Variants in MAGI1 observed in about 807,000 individuals in gnomAD.
MAGI1 encodes the protein membrane-associated guanylate kinase, WW and PDZ domain-containing protein 1.
In MAGI1, 58 loss-of-function variants were observed where a neutral mutation model predicts 139.9. The ratio of observed to expected loss-of-function variants is 0.41; its 90% CI spans 0.34 to 0.52. The LOEUF (loss-of-function observed/expected upper bound fraction) is 0.52. Ranked by LOEUF, MAGI1 falls within the 20% of genes least tolerant of loss-of-function variation. MAGI1 has a pLI of 0.12. For missense variants in MAGI1, 1,874 were observed against 1,901.6 expected (o/e 0.99, Z 0.27); for synonymous variants, 812 against 737.9 (o/e 1.10, Z -1.63).
At chr3:65,866,178 G>T (rs2059717589) in intron 1 of MAGI1, among the ~76,000 whole-genome samples, 1 of 150,740 alleles carries the variant, frequency 6.6e-6, no homozygotes, top group African/African-American at 2.4e-5. Flanking sequence ...GAATAACTGT[G>T]GCTGGGGGAA....
At chr3:65,542,619 C>A (rs2079291715) in intron 2 of MAGI1, among the ~76,000 whole-genome samples, 1 of 152,110 alleles carries the variant, frequency 6.6e-6, no homozygotes, top group Admixed American at 6.5e-5. Flanking sequence ...ACCATATGAC[C>A]TTCGACAAAC....
intron 1 of MAGI1, among the ~76,000 whole-genome samples, chr3:65,987,058 G>C (rs949497067): frequency 1.3e-5 from 2 of 152,124 alleles, no homozygotes; most frequent in Admixed American, 6.5e-5. Context: ...TTTTAGTAGA[G>C]ACGGGGTTTT....
chr3:65,469,312 A>AT (rs1242755531), intron 5 of MAGI1, among the ~76,000 whole-genome samples: 26 of 152,008 alleles, frequency 1.7e-4, no homozygotes, highest in Non-Finnish European at 3.7e-4. Flanking sequence ...AATCTGTGGT[A>AT]TTTTTTTTAA....
chr3:65,549,832 G>A (rs1004965781), intron 2 of MAGI1, among the ~76,000 whole-genome samples: 1 of 151,954 alleles, frequency 6.6e-6, no homozygotes, highest in African/African-American at 2.4e-5. Flanking sequence ...GGGAGGTGCC[G>A]GTCAAACACG....
chr3:65,541,510 C>A (rs1171047428), intron 2 of MAGI1, among the ~76,000 whole-genome samples: 1 of 152,050 alleles, frequency 6.6e-6, no homozygotes, highest in Non-Finnish European at 1.5e-5. Flanking sequence ...AACATTGATG[C>A]GAAATCCTCA....
intron 1 of MAGI1, among the ~76,000 whole-genome samples, chr3:65,822,483 G>GCA (rs2042001667): frequency 6.6e-6 from 1 of 152,002 alleles, no homozygotes; most frequent in Admixed American, 6.5e-5. Flanking sequence ...AGTTGAGATG[G>GCA]CACCACTGCA....
At position 65,977,636 on chromosome 3, in the gene MAGI1, G is replaced by A. The variant is rs146454348; in HGVS notation, c.313+60360C>T. The stretch of plus-strand genomic sequence containing the variant: ...TGAGGCACAAGAATCACTTGAACCC[G>A]GGTGGCAGAGGTTGCAGTGAGCCGA... On this transcript the variant is annotated intron_variant, in intron 1 of 22. Transcript: ENST00000402939. Among the ~76,000 whole-genome samples, 196 of 150,756 alleles carry A rather than the reference G, an allele frequency of 1.3e-3. 2 individuals are homozygous for A. The East Asian group carries it at 0.025, about 19-fold the overall frequency.
intron 2 of MAGI1, among the ~76,000 whole-genome samples, chr3:65,506,984 G>A (rs952944057): frequency 2.0e-5 from 3 of 152,046 alleles, no homozygotes; most frequent in South Asian, 4.2e-4. Flanking sequence ...AAATAGTCAC[G>A]AACATGTAAA....
At chr3:65,938,204 TTTCCATTTAAGTTAACTAAAA>T (rs1239827354) in intron 1 of MAGI1, among the ~76,000 whole-genome samples, 2 of 151,568 alleles carry the variant, frequency 1.3e-5, no homozygotes, top group African/African-American at 4.8e-5. Context: ...GAACAGTTTC[TTTCCATTTAAGTTAACTAAAA>T]TGTTACTTGG....
intron 1 of MAGI1, among the ~76,000 whole-genome samples, chr3:65,623,967 A>G (rs2107084697): frequency 6.6e-6 from 1 of 152,316 alleles, no homozygotes; most frequent in Admixed American, 6.5e-5. Context: ...AATCAGCACA[A>G]GGTTTGAACA....
intron 1 of MAGI1, among the ~76,000 whole-genome samples, chr3:65,889,394 T>A (rs2060652859): frequency 6.6e-6 from 1 of 152,344 alleles, no homozygotes; most frequent in Admixed American, 6.5e-5. Flanking sequence ...GACTTTTCTC[T>A]TCTGGGCTTA....
intron 1 of MAGI1, among the ~76,000 whole-genome samples, chr3:65,647,171 A>C (rs2085314357): frequency 6.6e-6 from 1 of 152,144 alleles, no homozygotes; most frequent in Non-Finnish European, 1.5e-5. Flanking sequence ...CAACAATATG[A>C]AGCAAACAAA....
At chr3:65,674,339 C>A (rs1480348516) in intron 1 of MAGI1, among the ~76,000 whole-genome samples, 1 of 152,182 alleles carries the variant, frequency 6.6e-6, no homozygotes, top group Non-Finnish European at 1.5e-5. Context: ...CTTGCCAAAG[C>A]TGAAGAATTC....
At chr3:65,678,360 T>TTA (rs1553689940) in intron 1 of MAGI1, among the ~76,000 whole-genome samples, 2 of 150,616 alleles carry the variant, frequency 1.3e-5, no homozygotes, top group Non-Finnish European at 3.0e-5. Context: ...AATAAAAAGG[T>TTA]AAAAAAAAAA....
chr3:65,753,459 G>A (rs923583790), intron 1 of MAGI1, among the ~76,000 whole-genome samples: 3 of 151,982 alleles, frequency 2.0e-5, no homozygotes, highest in African/African-American at 7.2e-5. Context: ...AATCTGTCAC[G>A]CCTGTAATCC....
chr3:65,492,782 A>T (rs1484561318), intron 3 of MAGI1, among the ~76,000 whole-genome samples: 1 of 152,180 alleles, frequency 6.6e-6, no homozygotes, highest in Non-Finnish European at 1.5e-5. Flanking sequence ...GTATATGAAG[A>T]TTACTTAGCT....
chr3:65,472,745 G>A (rs933611831), intron 4 of MAGI1, among the ~76,000 whole-genome samples: 5 of 152,256 alleles, frequency 3.3e-5, no homozygotes, highest in African/African-American at 1.2e-4. Flanking sequence ...AAGGGAGCTG[G>A]GCACTCAGTG....
chr3:65,758,253 G>A (rs1339008602), intron 1 of MAGI1, among the ~76,000 whole-genome samples: 1 of 152,180 alleles, frequency 6.6e-6, no homozygotes, highest in Non-Finnish European at 1.5e-5. Flanking sequence ...AGCATCTGGG[G>A]AGAGAAATAA....
intron 2 of MAGI1, among the ~76,000 whole-genome samples, chr3:65,531,375 A>T (rs1380489439): frequency 6.6e-6 from 1 of 152,160 alleles, no homozygotes; most frequent in Non-Finnish European, 1.5e-5. Flanking sequence ...CTAATACATT[A>T]TCGTCAGGGG....
Sources: allele counts gnomAD v4.1 joint callset (sites outside exome capture counted in the v4.1 genomes callset), GRCh38; gene constraint gnomAD v4.1.1; transcripts MANE v1.5; gene names NCBI Gene and HGNC (gene_info 2026-07-23, HGNC 2026-07-21).